Variants in ROCK1 observed in about 807,000 individuals in gnomAD.
The protein encoded by ROCK1 is rho-associated protein kinase 1.
Under a neutral mutation model 196.8 loss-of-function variants are expected in ROCK1, and 36 were observed. That is an observed-to-expected ratio of 0.18 (90% CI 0.14 to 0.24). ROCK1 has a LOEUF of 0.24. Among genes scored for constraint, ROCK1 ranks in the 10% least tolerant of loss-of-function variants. The probability of loss-of-function intolerance (pLI) is 1.00; values close to 1 mark genes in which losing one functional copy is unlikely to be tolerated. For missense variants in ROCK1, 920 were observed against 1,562.0 expected, an observed-to-expected ratio of 0.59 and a Z score of 6.93; for synonymous variants, 443 against 515.9, an observed-to-expected ratio of 0.86 and a Z score of 1.91.
intron 1 of ROCK1, among the ~76,000 whole-genome samples, chr18:21,108,217 TTC>T (rs1400695762): frequency 6.6e-6 from 1 of 152,210 alleles, no homozygotes; most frequent in African/African-American, 2.4e-5. Flanking sequence ...CTGTTGACTA[TTC>T]TCTTTAACAA....
chr18:21,048,284 T>C (rs1242566970), intron 4 of ROCK1, among the ~76,000 whole-genome samples: 2 of 152,200 alleles, frequency 1.3e-5, no homozygotes, highest in African/African-American at 4.8e-5. Flanking sequence ...CAAGTATTAT[T>C]TGGTGACCTA....
At chr18:21,002,641 C>T (rs575386850) in intron 16 of ROCK1, among the ~76,000 whole-genome samples, 1 of 152,292 alleles carries the variant, frequency 6.6e-6, no homozygotes, top group African/African-American at 2.4e-5. Context: ...TAGATGATCA[C>T]CACTGCAAAT....
intron 1 of ROCK1, among the ~76,000 whole-genome samples, chr18:21,071,547 G>A (rs1160836473): frequency 6.6e-6 from 1 of 152,138 alleles, no homozygotes; most frequent in East Asian, 1.9e-4. Context: ...GGTATACCAA[G>A]CAGTGTTGAA....
intron 4 of ROCK1, 96 bp downstream of exon 4, chr18:21,048,996 A>G (rs2036183069): frequency 9.0e-7 from 1 of 1,112,332 alleles, no homozygotes; most frequent in Non-Finnish European, 1.2e-6. Context: ...ACTGCCAGTA[A>G]ATTCTCTACT....
intron 18 of ROCK1, 66 bp downstream of exon 18, chr18:20,991,109 CA>C: frequency 1.4e-6 from 2 of 1,442,250 alleles, no homozygotes; most frequent in Non-Finnish European, 1.9e-6. Context: ...AAATTTTGAC[CA>C]AAACCAAATT....
chr18:21,022,493 C>A (rs1357346062), intron 11 of ROCK1, among the ~76,000 whole-genome samples: 1 of 152,124 alleles, frequency 6.6e-6, no homozygotes, highest in Non-Finnish European at 1.5e-5. Context: ...CTACAGATTG[C>A]ATTGCCTGTA....
chr18:21,084,748 T>C (rs57419422), intron 1 of ROCK1, among the ~76,000 whole-genome samples: 1,704 of 152,306 alleles, frequency 0.011, 35 homozygotes, highest in African/African-American at 0.038. Context: ...TAATTCCACT[T>C]CTGGGTATAC....
intron 9 of ROCK1, among the ~76,000 whole-genome samples, chr18:21,029,247 A>C (rs1035536455): frequency 6.6e-6 from 1 of 152,214 alleles, no homozygotes; most frequent in Non-Finnish European, 1.5e-5. Flanking sequence ...TAAAATACAC[A>C]AAAGCATTCG....
chr18:21,110,654 C>G (rs753179476), intron 1 of ROCK1, among the ~76,000 whole-genome samples, 164 bp downstream of exon 1: 1 of 152,122 alleles, frequency 6.6e-6, no homozygotes, highest in Non-Finnish European at 1.5e-5. Flanking sequence ...TAGGACCACA[C>G]CATGAGATGT....
At chr18:21,079,801 G>A (rs912842917) in intron 1 of ROCK1, among the ~76,000 whole-genome samples, 2 of 152,176 alleles carry the variant, frequency 1.3e-5, no homozygotes, top group African/African-American at 4.8e-5. Context: ...GTACATAGGG[G>A]ACCTCAGTCC....
At chr18:20,998,038 T>C (rs1362232685) in intron 16 of ROCK1, among the ~76,000 whole-genome samples, 2 of 152,096 alleles carry the variant, frequency 1.3e-5, no homozygotes, top group African/African-American at 2.4e-5. Flanking sequence ...GGTTTCACCA[T>C]GTTGGCCAGG....
At chr18:20,963,228 A>G (rs930641904) in intron 27 of ROCK1, among the ~76,000 whole-genome samples, 1 of 152,128 alleles carries the variant, frequency 6.6e-6, no homozygotes, top group Admixed American at 6.6e-5. Context: ...CTGCAATATC[A>G]GCGATTTCTT....
rs2035134342 is a variant in ROCK1, at chr18:20,946,982, G to C, written c.*4402C>G. 1 of 152,136 alleles carries C rather than the reference G, an allele frequency of 6.6e-6. No individual in the cohort carries two copies. Among genetic ancestry groups the C allele is most frequent in the South Asian group, 2.1e-4 (1 of 4,830 alleles). 9.4% of individuals were successfully genotyped at this position (152,136 alleles called of 1,614,324 possible). The stretch of plus-strand genomic sequence containing the variant: ...ACCAATTTATAGGATTAACATACAA[G>C]TGTCACTTTATTCACAATCTTTGCA... On this transcript the variant is annotated 3_prime_UTR_variant, in exon 33 of 33. Coordinates refer to ENST00000399799, the MANE Select transcript of ROCK1 (RefSeq NM_005406.3).
intron 25 of ROCK1, chr18:20,968,471 T>C: frequency 4.0e-6 from 1 of 249,226 alleles, no homozygotes; most frequent in Non-Finnish European, 7.6e-6. Flanking sequence ...CACGCCCGGC[T>C]AATTTTTGTA....
chr18:21,079,266 C>T (rs1051210467), intron 1 of ROCK1, among the ~76,000 whole-genome samples: 2 of 152,078 alleles, frequency 1.3e-5, no homozygotes, highest in African/African-American at 4.8e-5. Context: ...TCCTTTTCTC[C>T]TCTTTTTTTC....
At chr18:20,960,513 T>A (rs536656501) in intron 27 of ROCK1, 55 of 242,720 alleles carry the variant, frequency 2.3e-4, no homozygotes, top group African/African-American at 1.2e-3. Flanking sequence ...AAATGGGATA[T>A]GATGTAGAAG....
chr18:21,006,811 A>G, intron 14 of ROCK1, 21 bp from the exon 15 acceptor site: 1 of 1,421,540 alleles, frequency 7.0e-7, no homozygotes, highest in Non-Finnish European at 9.7e-7. Context: ...AAAGAATAAT[A>G]TATAGAAATT....
intron 18 of ROCK1, among the ~76,000 whole-genome samples, chr18:20,988,523 T>A (rs2035596273): frequency 6.6e-6 from 1 of 152,224 alleles, no homozygotes; most frequent in Non-Finnish European, 1.5e-5. Flanking sequence ...GCGGGAATGA[T>A]CTTTTAAAAA....
chr18:21,064,868 G>A (rs537320969), intron 2 of ROCK1, among the ~76,000 whole-genome samples: 3 of 152,304 alleles, frequency 2.0e-5, no homozygotes, highest in South Asian at 2.1e-4. Context: ...CTTGGAGCAC[G>A]TGTCTAACTG....
Sources: allele counts gnomAD v4.1 joint callset (sites outside exome capture counted in the v4.1 genomes callset), GRCh38; gene constraint gnomAD v4.1.1; transcripts MANE v1.5; gene names NCBI Gene and HGNC (gene_info 2026-07-23, HGNC 2026-07-21).